The following MAPK10 variants were observed in gnomAD, a reference collection of about 807,000 sequenced individuals.
MAPK10 encodes the protein mitogen-activated protein kinase 10.
MAPK10 carries 25 observed loss-of-function variants against 59.3 expected under a neutral mutation model. The observed-to-expected ratio is 0.42, with a 90% CI of 0.31 to 0.59. The LOEUF (loss-of-function observed/expected upper bound fraction) is 0.59. MAPK10 is among the 20% of genes least tolerant of loss of function. The pLI is 0.15. For synonymous variants in MAPK10, 190 were observed against 200.5 expected, an observed-to-expected ratio of 0.95 and a Z score of 0.44; for missense variants, 351 against 568.9, an observed-to-expected ratio of 0.62 and a Z score of 3.90.
intron 2 of MAPK10, among the ~76,000 whole-genome samples, chr4:86,314,480 T>C (rs960476775): frequency 1.3e-5 from 2 of 152,138 alleles, no homozygotes; most frequent in Non-Finnish European, 2.9e-5. Context: ...ATTGCTGCCA[T>C]GTAAGAAGTG....
intron 4 of MAPK10, among the ~76,000 whole-genome samples, chr4:86,135,734 A>ATT (rs546279689): frequency 6.6e-6 from 1 of 151,482 alleles, no homozygotes; most frequent in African/African-American, 2.4e-5. Flanking sequence ...CGATCAAATT[A>ATT]CTGAGCTATG....
intron 2 of MAPK10, among the ~76,000 whole-genome samples, chr4:86,203,092 G>C (rs573101098): frequency 6.6e-6 from 1 of 152,036 alleles, no homozygotes; most frequent in South Asian, 2.1e-4. Context: ...TATAGGACCT[G>C]TAAGTAGCTT....
chr4:86,122,744 A>T (rs1174710732), intron 4 of MAPK10, among the ~76,000 whole-genome samples: 2 of 151,896 alleles, frequency 1.3e-5, no homozygotes, highest in African/African-American at 4.8e-5. Context: ...AATAAGATAA[A>T]TTTTTTTCCT....
chr4:86,333,845 AAC>A (rs1180996810), intron 2 of MAPK10, among the ~76,000 whole-genome samples: 5 of 152,208 alleles, frequency 3.3e-5, no homozygotes, highest in African/African-American at 7.2e-5. Flanking sequence ...AAAAACACAT[AAC>A]ACAGTGCCTG....
At chr4:86,090,120 G>A (rs1180035549) in intron 9 of MAPK10, among the ~76,000 whole-genome samples, 1 of 151,988 alleles carries the variant, frequency 6.6e-6, no homozygotes, top group Non-Finnish European at 1.5e-5. Context: ...ATGGGGAAGG[G>A]TGAAGCAAGA....
At chr4:86,482,009 T>A (rs1753650664) in intron 1 of MAPK10, among the ~76,000 whole-genome samples, 1 of 152,166 alleles carries the variant, frequency 6.6e-6, no homozygotes, top group Admixed American at 6.5e-5. Context: ...GGGAAAACAG[T>A]GCAGTTTATT....
At chr4:86,490,153 A>G (rs1406354004) in intron 1 of MAPK10, among the ~76,000 whole-genome samples, 1 of 151,920 alleles carries the variant, frequency 6.6e-6, no homozygotes, top group East Asian at 1.9e-4. Flanking sequence ...AGGAAATATT[A>G]ATTGAGTAGT....
At chr4:86,395,763 G>A (rs1250061609) in intron 1 of MAPK10, among the ~76,000 whole-genome samples, 1 of 152,182 alleles carries the variant, frequency 6.6e-6, no homozygotes, top group Non-Finnish European at 1.5e-5. Flanking sequence ...TTCCTGGCTT[G>A]CAGAGGGCTG....
chr4:86,378,542 G>T (rs1446306268), intron 1 of MAPK10, among the ~76,000 whole-genome samples: 1 of 152,174 alleles, frequency 6.6e-6, no homozygotes, highest in East Asian at 1.9e-4. Context: ...CCTCTAAAAT[G>T]TGTGAGGATG....
chr4:86,210,895 A>C (rs1344081087), intron 2 of MAPK10, among the ~76,000 whole-genome samples: 1 of 151,770 alleles, frequency 6.6e-6, no homozygotes, highest in Non-Finnish European at 1.5e-5. Context: ...AAATCCTAAA[A>C]AGGAAAAAAA....
chr4:86,537,181 A>ATGG (rs1370569542), intron 1 of MAPK10, among the ~76,000 whole-genome samples: 11 of 152,306 alleles, frequency 7.2e-5, no homozygotes, highest in Admixed American at 4.6e-4. Context: ...AGAGGTGATG[A>ATGG]TGGTGGCAAA....
intron 8 of MAPK10, chr4:86,098,954 C>A (rs2054768306): frequency 5.1e-6 from 1 of 197,244 alleles, no homozygotes; most frequent in Non-Finnish European, 1.1e-5. Flanking sequence ...GTGTCATTTT[C>A]CGGATGCATA....
intron 11 of MAPK10, among the ~76,000 whole-genome samples, chr4:86,051,253 C>A (rs1157397064): frequency 6.6e-6 from 1 of 152,052 alleles, no homozygotes; most frequent in Non-Finnish European, 1.5e-5. Context: ...CTGGAAAGAC[C>A]ATAAACTTTT....
Position 86,016,333 on chromosome 4 carries a change from G to C in MAPK10, c.*895C>G, listed in dbSNP as rs1743292794. On this transcript the variant is annotated 3_prime_UTR_variant, in exon 14 of 14. Transcript: ENST00000641462. ...AGTCCACACCACACACTACCCTCCAGTCTCTCCTACTCTTTACTGTCACAG... is the reference window on the plus strand; with the variant it reads ...AGTCCACACCACACACTACCCTCCACTCTCTCCTACTCTTTACTGTCACAG... 6.6e-6 allele frequency: 1 copy of C among 152,352 alleles called. No individual in the cohort carries two copies. Among genetic ancestry groups the C allele is most frequent in the South Asian group, 2.1e-4 (1 of 4,818 alleles). The allele number at this position is 152,352 out of a possible 1,614,324, so 9.4% of individuals were successfully genotyped here.
intron 1 of MAPK10, among the ~76,000 whole-genome samples, chr4:86,372,520 A>G (rs933526186): frequency 1.2e-4 from 11 of 90,034 alleles, no homozygotes; most frequent in East Asian, 7.2e-4. Context: ...CATCTCAAAC[A>G]AAAGAAAGAA....
At chr4:86,576,234 C>T (rs1761877673) in intron 1 of MAPK10, among the ~76,000 whole-genome samples, 2 of 151,926 alleles carry the variant, frequency 1.3e-5, no homozygotes, top group Admixed American at 1.3e-4. Flanking sequence ...CATAAAAATT[C>T]AGTGGAAAAA....
chr4:86,239,908 G>A (rs980885781), intron 2 of MAPK10, among the ~76,000 whole-genome samples: 5 of 151,710 alleles, frequency 3.3e-5, no homozygotes, highest in African/African-American at 1.2e-4. Context: ...TGGATTAGTT[G>A]CTCTTGCCTC....
chr4:86,039,498 C>T (rs1026394549), intron 11 of MAPK10, among the ~76,000 whole-genome samples: 16 of 152,172 alleles, frequency 1.1e-4, no homozygotes, highest in African/African-American at 2.9e-4. Context: ...TGAGCTTCCA[C>T]ACCTTTCCCA....
chr4:86,312,422 C>T (rs1280460359), intron 2 of MAPK10, among the ~76,000 whole-genome samples: 1 of 151,992 alleles, frequency 6.6e-6, no homozygotes, highest in Non-Finnish European at 1.5e-5. Context: ...TCCTTACTCA[C>T]CGTATATATA....
Sources: allele counts gnomAD v4.1 joint callset (sites outside exome capture counted in the v4.1 genomes callset), GRCh38; gene constraint gnomAD v4.1.1; transcripts MANE v1.5; gene names NCBI Gene and HGNC (gene_info 2026-07-23, HGNC 2026-07-21).